The following SGCD variants were observed in gnomAD, a reference collection of about 807,000 sequenced individuals.
The protein encoded by SGCD is sarcoglycan delta, also known as delta-sarcoglycan.
Under a neutral mutation model 36.6 loss-of-function variants are expected in SGCD, and 18 were observed. The ratio of observed to expected loss-of-function variants is 0.49; its 90% CI spans 0.34 to 0.73. SGCD has a LOEUF of 0.73. Among genes scored for constraint, SGCD ranks in the 30% least tolerant of loss-of-function variants. The pLI, the probability that SGCD is intolerant of heterozygous loss-of-function variation, is 0.01. For missense variants in SGCD, 387 were observed against 346.7 expected (o/e 1.12, Z -0.92); for synonymous variants, 133 against 130.6 (o/e 1.02, Z -0.12).
At chr5:156,452,334 C>A (rs988433536) in intron 3 of SGCD, among the ~76,000 whole-genome samples, 16 of 152,094 alleles carry the variant, frequency 1.1e-4, no homozygotes, top group African/African-American at 3.4e-4. Flanking sequence ...TATTTCTTTT[C>A]CCACATTTTT....
chr5:156,752,241 A>C (rs755775796), intron 7 of SGCD, among the ~76,000 whole-genome samples: 4 of 152,210 alleles, frequency 2.6e-5, no homozygotes, highest in Non-Finnish European at 4.4e-5. Flanking sequence ...TTTAGTCATA[A>C]AGAAAAGCAG....
intron 1 of SGCD, among the ~76,000 whole-genome samples, chr5:155,969,200 T>G (rs1432726): frequency 0.35 from 52,810 of 152,012 alleles, 9,517 homozygotes; most frequent in African/African-American, 0.45. Context: ...CTGCTACATT[T>G]TTGGAACTTG....
At chr5:155,766,484 A>G in the SGCD span, among the ~76,000 whole-genome samples, 2 of 152,170 alleles carry the variant, frequency 1.3e-5, no homozygotes, top group East Asian at 1.9e-4. Context: ...ATCAAATCCA[A>G]TATTGAGTGA....
intron 1 of SGCD, among the ~76,000 whole-genome samples, chr5:155,901,840 C>G (rs140999032): frequency 1.3e-5 from 2 of 152,170 alleles, no homozygotes; most frequent in Non-Finnish European, 2.9e-5. Context: ...AACCTTATTA[C>G]TTACCTGTAG....
intron 3 of SGCD, among the ~76,000 whole-genome samples, chr5:156,307,555 G>GTTGTTTTT (rs1188757705): frequency 2.9e-4 from 12 of 41,152 alleles, no homozygotes; most frequent in Admixed American, 3.4e-4. Flanking sequence ...TTTAACTGTT[G>GTTGTTTTT]TTTTTTTTTT....
intron 4 of SGCD, among the ~76,000 whole-genome samples, chr5:156,536,009 G>A (rs1367533110): frequency 6.6e-6 from 1 of 152,150 alleles, no homozygotes; most frequent in East Asian, 1.9e-4. Flanking sequence ...TGAGACATAA[G>A]TAATTTAGGG....
intron 1 of SGCD, among the ~76,000 whole-genome samples, chr5:156,057,726 T>A (rs1760096305): frequency 6.8e-6 from 1 of 146,090 alleles, no homozygotes; most frequent in South Asian, 2.2e-4. Context: ...CAAGTGAAAC[T>A]GTCTCCTGCT....
intron 1 of SGCD, among the ~76,000 whole-genome samples, chr5:155,896,128 C>G (rs568820426): frequency 3.9e-5 from 6 of 152,168 alleles, no homozygotes; most frequent in African/African-American, 1.4e-4. Context: ...TAACAGAGAG[C>G]CCTTTATTAT....
intron 4 of SGCD, among the ~76,000 whole-genome samples, chr5:156,561,152 A>G (rs1440189332): frequency 6.6e-6 from 1 of 152,210 alleles, no homozygotes; most frequent in Non-Finnish European, 1.5e-5. Flanking sequence ...CACACAGAGC[A>G]TATCACTCTT....
chr5:156,459,073 A>C (rs187853782), intron 3 of SGCD, among the ~76,000 whole-genome samples: 79 of 152,254 alleles, frequency 5.2e-4, no homozygotes, highest in African/African-American at 1.9e-3. Flanking sequence ...TTAGATGCCA[A>C]AGTGAAGGGA....
chr5:156,220,302 A>G (rs574793702), intron 3 of SGCD, among the ~76,000 whole-genome samples: 3 of 152,094 alleles, frequency 2.0e-5, no homozygotes, highest in Non-Finnish European at 1.5e-5. Context: ...GGTACGTTGG[A>G]GTTTGTTCCA....
chr5:156,425,622 C>A lies in SGCD; in HGVS notation c.192+80945C>A, dbSNP rs374303072. Among the ~76,000 whole-genome samples the A allele has an allele frequency of 2.6e-5, 4 of 151,462 alleles. No homozygotes were observed. In the South Asian group the frequency reaches 6.3e-4, roughly 24 times the overall value. On this transcript the variant is annotated intron_variant, in intron 3 of 8. Coordinates refer to ENST00000337851, the MANE Select transcript of SGCD (RefSeq NM_000337.6). The stretch of plus-strand genomic sequence containing the variant: ...TTGTTTTTTGTTACATGGATAAGTT[C>A]TTTAGTAATGATTTCTGAGATTTTG...
chr5:156,075,562 G>T (rs1008918533), intron 1 of SGCD, among the ~76,000 whole-genome samples: 2 of 152,108 alleles, frequency 1.3e-5, no homozygotes, highest in Non-Finnish European at 2.9e-5. Flanking sequence ...CTGTATAAAG[G>T]TTGTTGAATA....
chr5:156,263,614 A>T (rs1765924800), intron 3 of SGCD, among the ~76,000 whole-genome samples: 1 of 151,746 alleles, frequency 6.6e-6, no homozygotes, highest in Non-Finnish European at 1.5e-5. Flanking sequence ...TTCCTATTTA[A>T]CGCTGTTTTT....
Position 156,062,406 on chromosome 5 carries a change from T to C in SGCD, c.-281-55472T>C, listed in dbSNP as rs1369298882. On this transcript the variant is annotated intron_variant, in intron 1 of 9. Transcript: ENST00000517913. Reference sequence around the variant, plus strand: ...CGCAATAAACATACGTGTGCATGTGTCTTTATAGCAGCATGATTTATAGTC... The same window carrying C: ...CGCAATAAACATACGTGTGCATGTGCCTTTATAGCAGCATGATTTATAGTC... 1.4e-3 allele frequency among the ~76,000 whole-genome samples: 124 copies of C among 90,790 alleles called. 4 individuals carry two copies. The highest frequency in any genetic ancestry group is 0.011 in the East Asian group (39 of 3,560). The allele number at this position is 90,790 out of a possible 152,430, so 59.6% of individuals were successfully genotyped here.
intron 1 of SGCD, among the ~76,000 whole-genome samples, chr5:155,978,043 G>A (rs952037465): frequency 1.3e-5 from 2 of 152,052 alleles, no homozygotes; most frequent in Non-Finnish European, 2.9e-5. Flanking sequence ...GCAGTTAGCT[G>A]AGATCATGCC....
intron 3 of SGCD, among the ~76,000 whole-genome samples, chr5:156,220,494 AG>A (rs1764690704): frequency 6.6e-6 from 1 of 152,158 alleles, no homozygotes; most frequent in African/African-American, 2.4e-5. Flanking sequence ...GTGTCTTAAA[AG>A]GACAAATTAA....
At chr5:155,765,482 C>T in the SGCD span, among the ~76,000 whole-genome samples, 50 of 148,928 alleles carry the variant, frequency 3.4e-4, no homozygotes, top group East Asian at 8.6e-3. Flanking sequence ...GGAATGAAGA[C>T]TTATGAATCT....
At chr5:156,118,623 A>G (rs1295697460) in intron 2 of SGCD, among the ~76,000 whole-genome samples, 1 of 152,194 alleles carries the variant, frequency 6.6e-6, no homozygotes, top group East Asian at 1.9e-4. Context: ...GCTATAAATC[A>G]GCAATTAGCC....
Sources: gnomAD v4.1 joint callset for allele counts (sites outside exome capture counted in the v4.1 genomes callset) on GRCh38, gnomAD v4.1.1 for gene constraint, MANE v1.5 for transcripts, NCBI Gene and HGNC (gene_info 2026-07-23, HGNC 2026-07-21) for gene names.